ATP7B: variants seen among roughly 807,000 people sequenced by gnomAD.
ATP7B encodes ATPase copper transporting beta, also known as copper-transporting ATPase 2.
A neutral mutation model predicts 118.9 loss-of-function variants in ATP7B; 113 were observed. The observed-to-expected ratio is 0.95, with a 90% CI of 0.82 to 1.11. The LOEUF (loss-of-function observed/expected upper bound fraction) is 1.11, where lower values mean the gene tolerates loss of function less well. Among genes scored for constraint, ATP7B ranks in the 50% most tolerant of loss-of-function variants. The pLI, the probability that ATP7B is intolerant of heterozygous loss-of-function variation, is 0.00. For synonymous variants in ATP7B, 777 were observed against 727.4 expected (o/e 1.07, Z -1.10); for missense variants, 1,867 against 1,871.4 (o/e 1.00, Z 0.04).
chr13:51,946,304 G>A lies in ATP7B; in HGVS notation c.3040C>T (p.Pro1014Ser), dbSNP rs1178997936. 1.9e-6 allele frequency: 3 copies of A among 1,595,822 alleles called. No individual in the cohort carries two copies. The South Asian group carries it at 3.4e-5, about 18-fold the overall frequency. The change falls in exon 13 of 21, where the codon CCC becomes TCC. Residue 1014 changes from proline to serine, a missense_variant. By Grantham distance (74) the Pro-to-Ser change is moderately conservative (BLOSUM62 -1). Transcript: ENST00000242839. The part of the protein sequence containing the change: ...QNGILIKGGK[P>S]LEMAHKIKTV... ...CTGACCTTGTGCGCCATCTCCAGGG[G>A]CTTGCCTCCCTTGATGAGGATGCCG...
At chr13:51,946,684 G>C (rs767120403) in intron 12 of ATP7B, 2 of 645,504 alleles carry the variant, frequency 3.1e-6, no homozygotes, top group Non-Finnish European at 5.5e-6. Context: ...TCATCCTACA[G>C]GTTTCCCTCA....
At position 51,942,564 on chromosome 13, in the gene ATP7B, T is replaced by C. The variant is rs1317358040; in HGVS notation, c.3244-10A>G. On this transcript the variant is annotated splice_polypyrimidine_tract_variant and intron_variant, in intron 14 of 20. Transcript: ENST00000242839. ...TCTCTGTTCCAAGTTCCTGGGAAGG[T>C]GGAAAGAGAGGAAGAGGAAACTGTA... is the stretch of plus-strand genomic sequence containing the variant. The C allele has an allele frequency of 6.2e-7, 1 of 1,612,182 alleles. No individual in the cohort carries two copies. Among genetic ancestry groups the C allele is most frequent in the South Asian group, 1.1e-5 (1 of 91,006 alleles).
chr13:51,955,346 A>G (rs1958269181), intron 9 of ATP7B, among the ~76,000 whole-genome samples: 1 of 152,142 alleles, frequency 6.6e-6, no homozygotes, highest in Admixed American at 6.5e-5. Context: ...CCTGGGACAG[A>G]GGGTTGGGCT....
intron 1 of ATP7B, among the ~76,000 whole-genome samples, chr13:51,997,931 G>A (rs1593859759): frequency 6.6e-6 from 1 of 152,174 alleles, no homozygotes; most frequent in African/African-American, 2.4e-5. Flanking sequence ...CTTCTCCTTT[G>A]CTCCCATAGA....
intron 1 of ATP7B, among the ~76,000 whole-genome samples, chr13:52,005,475 T>C (rs955201460): frequency 2.0e-5 from 3 of 152,326 alleles, no homozygotes; most frequent in African/African-American, 4.8e-5. Flanking sequence ...AAAAACAGAA[T>C]GGGCTTTTCT....
At position 51,974,756 on chromosome 13, in the gene ATP7B, T is replaced by C; in HGVS notation, c.464A>G (p.Gln155Arg). ...GCCTTCAATGGAGCTGACACAGGAC[T>C]GGCAGGTCATGCCCTCCACCCGGAG... is the stretch of plus-strand genomic sequence containing the variant. ...VKLRVEGMTC[Q>R]SCVSSIEGKV... The change falls in exon 2 of 21, where the codon CAG (glutamine) becomes CGG (arginine). Residue 155 changes from glutamine (Q) to arginine (R), a missense_variant. Gln to Arg is a conservative substitution (Grantham distance 43). Coordinates refer to ENST00000242839, the MANE Select transcript of ATP7B (RefSeq NM_000053.4). 1.2e-6 allele frequency: 2 copies of C among 1,614,190 alleles called. 1 individual carries two copies. The highest frequency in any genetic ancestry group is 2.2e-5 in the South Asian group (2 of 91,084).
chr13:51,974,069 A>C lies in ATP7B; in HGVS notation c.1151T>G (p.Leu384Arg), dbSNP rs1358032363. ...VHSIEGMISQ[L>R]EGVQQISVSL... ...CACCGATATTTGCTGCACCCCTTCC[A>C]GTTGGGAGATCATGCCTTCAATGGA... Residue 384 changes from leucine (L) to arginine (R), a missense_variant, in exon 2 of 21, where the codon CTG becomes CGG. Physicochemically the swap from Leu to Arg is moderately radical, Grantham distance 102. Coordinates refer to ENST00000242839, the MANE Select transcript of ATP7B (RefSeq NM_000053.4). The C allele has an allele frequency of 6.2e-7, 1 of 1,614,064 alleles. No individual in the cohort carries two copies. The highest frequency in any genetic ancestry group is 8.5e-7 in the Non-Finnish European group (1 of 1,179,954).
intron 9 of ATP7B, among the ~76,000 whole-genome samples, chr13:51,955,608 G>T (rs902891588): frequency 6.6e-6 from 1 of 152,180 alleles, no homozygotes; most frequent in African/African-American, 2.4e-5. Context: ...CAGATCCCTG[G>T]AATAGTTCCA....
chr13:52,003,823 G>A lies in ATP7B; in HGVS notation c.51+7464C>T, dbSNP rs935862698. ...GTTGTCAAAAGGCCTGGTGTCACCA[G>A]AGCTTCCGAGAGAAGGTGGATAGCT... On this transcript the variant is annotated intron_variant, in intron 1 of 20. Coordinates refer to ENST00000242839, the MANE Select transcript of ATP7B (RefSeq NM_000053.4). Among the ~76,000 whole-genome samples the A allele has an allele frequency of 3.9e-5, 6 of 152,330 alleles. No individual in the cohort carries two copies. The East Asian group carries it at 1.2e-3, about 29-fold the overall frequency.
chr13:51,958,835 T>C (rs1012919589), intron 7 of ATP7B: 18 of 469,438 alleles, frequency 3.8e-5, no homozygotes, highest in African/African-American at 3.5e-4. Flanking sequence ...CACGACTCAT[T>C]TGTACTGTAG....
At chr13:52,011,540 G>T, upstream of ATP7B, 1 of 672,730 alleles carries the variant, frequency 1.5e-6, no homozygotes, top group South Asian at 1.7e-5. Context: ...CTCTTCACAC[G>T]GATGATTCAA....
At chr13:51,936,978 T>C (rs561051522) in intron 19 of ATP7B, among the ~76,000 whole-genome samples, 10 of 152,266 alleles carry the variant, frequency 6.6e-5, no homozygotes, top group Non-Finnish European at 1.2e-4. Flanking sequence ...TCTCAGACTA[T>C]ATGACTTAAC....
chr13:51,985,853 C>A (rs576292122), intron 1 of ATP7B, among the ~76,000 whole-genome samples: 11 of 151,986 alleles, frequency 7.2e-5, no homozygotes, highest in African/African-American at 2.6e-4. Context: ...GAAATAAGTT[C>A]TTTGAAGCCA....
chr13:51,989,690 C>G (rs532220607), intron 1 of ATP7B, among the ~76,000 whole-genome samples: 3 of 152,164 alleles, frequency 2.0e-5, no homozygotes, highest in Non-Finnish European at 4.4e-5. Context: ...ACAATATTAT[C>G]TTAGAAAACC....
intron 9 of ATP7B, among the ~76,000 whole-genome samples, chr13:51,953,259 C>T (rs1442310094): frequency 6.6e-6 from 1 of 152,176 alleles, no homozygotes; most frequent in African/African-American, 2.4e-5. Context: ...TTTATCATCC[C>T]ACAGAGGTCT....
At chr13:51,945,650 C>CA (rs1437456214) in intron 13 of ATP7B, among the ~76,000 whole-genome samples, 12 of 152,212 alleles carry the variant, frequency 7.9e-5, no homozygotes, top group African/African-American at 2.9e-4. Flanking sequence ...TCGTAATACT[C>CA]AGTCAGCTTT....
Position 51,937,484 on chromosome 13 carries a change from G to C in ATP7B, c.3895C>G (p.Leu1299Val), listed in dbSNP as rs749472361. 1 of 1,614,052 alleles carries C rather than the reference G, an allele frequency of 6.2e-7. No homozygotes were observed. Residue 1299 changes from leucine (L) to valine (V), a missense_variant, in exon 18 of 21, where the codon CTT (leucine) becomes GTT (valine). Physicochemically the swap from Leu to Val is conservative, Grantham distance 32. Transcript: ENST00000242839. ...GCTGCAGCCACGCTCACTCTGATAA[G>C]GACGACGTCGGCTGCCTCGATGGCC... The part of the protein sequence containing the change: ...DVAIEAADVV[L>V]IRNDLLDVVA...
chr13:52,003,697 A>T (rs1264883447), intron 1 of ATP7B, among the ~76,000 whole-genome samples: 1 of 152,006 alleles, frequency 6.6e-6, no homozygotes, highest in Non-Finnish European at 1.5e-5. Context: ...ACAAGTAGGC[A>T]GTGACTTAAA....
At position 51,946,322 on chromosome 13, in the gene ATP7B, G is replaced by A. The variant is rs771569121; in HGVS notation, c.3022C>T (p.Leu1008Phe). 6 of 1,603,602 alleles carry A rather than the reference G, an allele frequency of 3.7e-6. No individual in the cohort carries two copies. The Admixed American group carries it at 8.5e-5, about 23-fold the overall frequency. The change falls in exon 13 of 21, where the codon CTC becomes TTC. Residue 1008 changes from leucine (L) to phenylalanine (F), a missense_variant. Leu to Phe is a conservative substitution (Grantham distance 22). Coordinates refer to ENST00000242839, the MANE Select transcript of ATP7B (RefSeq NM_000053.4). ...TCCAGGGGCTTGCCTCCCTTGATGA[G>A]GATGCCGTTCTGCGCGGCCACCCCG... ...GTGVAAQNGI[L>F]IKGGKPLEMA... is the part of the protein sequence containing the mutation.
Sources: allele counts gnomAD v4.1 joint callset (sites outside exome capture counted in the v4.1 genomes callset), GRCh38; gene constraint gnomAD v4.1.1; transcripts MANE v1.5; gene names NCBI Gene and HGNC (gene_info 2026-07-23, HGNC 2026-07-21).